MARK4: variants seen among roughly 807,000 people sequenced by gnomAD.
The protein encoded by MARK4 is MAP/microtubule affinity-regulating kinase 4.
In MARK4, 19 loss-of-function variants were observed where a neutral mutation model predicts 81.5. That is an observed-to-expected ratio of 0.23 (90% confidence interval 0.16 to 0.34). The LOEUF is 0.34. Among genes scored for constraint, MARK4 ranks in the 10% least tolerant of loss-of-function variants. The probability of loss-of-function intolerance (pLI) is 1.00; values close to 1 mark genes in which losing one functional copy is unlikely to be tolerated. For missense variants in MARK4, 772 were observed against 1,058.8 expected, an observed-to-expected ratio of 0.73 and a Z score of 3.76; for synonymous variants, 436 against 439.0, an observed-to-expected ratio of 0.99 and a Z score of 0.08.
In MARK4 at chr19:45,280,360, T is replaced by TC. The variant is rs765206485; in HGVS notation, c.1007-7dup. The TC allele has an allele frequency of 3.2e-4, 508 of 1,603,552 alleles. 1 individual carries two copies. Among genetic ancestry groups the TC allele is most frequent in the African/African-American group, 7.7e-4 (57 of 73,990 alleles). The stretch of plus-strand genomic sequence containing the variant: ...TCTGGGAGTCTGAAACTTCTCTCCA[T>TC]CCCCCCCTCCCAGAGGTGATGGTGG... On this transcript the variant is annotated splice_polypyrimidine_tract_variant and intron_variant, in intron 10 of 16. Coordinates refer to ENST00000262891, the MANE Select transcript of MARK4 (RefSeq NM_001199867.2).
intron 8 of MARK4, among the ~76,000 whole-genome samples, chr19:45,275,934 A>T (rs575184925): frequency 1.3e-5 from 2 of 152,304 alleles, no homozygotes; most frequent in South Asian, 4.1e-4. Flanking sequence ...CCCTTTTAGG[A>T]GAATGCTGCA....
chr19:45,253,175 TC>T (rs1970265622), intron 1 of MARK4, among the ~76,000 whole-genome samples: 1 of 143,842 alleles, frequency 7.0e-6, no homozygotes, highest in Non-Finnish European at 1.5e-5. Flanking sequence ...TTCCCTCACC[TC>T]CGACAGACCC....
chr19:45,257,232 A>T (rs897002662), intron 1 of MARK4, among the ~76,000 whole-genome samples: 1 of 151,838 alleles, frequency 6.6e-6, no homozygotes. Flanking sequence ...ATTTTGTTTT[A>T]TTGTGATTCA....
In MARK4 at chr19:45,280,385, G is replaced by T; in HGVS notation, c.1018G>T (p.Gly340Cys). The part of the protein sequence containing the change: ...GDTKRIEVMV[G>C]MGYTREEIKE... ...TCCCCCCCTCCCAGAGGTGATGGTG[G>T]GTATGGGCTACACACGGGAAGAAAT... The change falls in exon 11 of 17, where the codon GGT becomes TGT. Residue 340 changes from glycine to cysteine, a missense_variant. Physicochemically the swap from Gly to Cys is radical, Grantham distance 159 (BLOSUM62 -3). Coordinates refer to ENST00000262891, the MANE Select transcript of MARK4 (RefSeq NM_001199867.2). The T allele has an allele frequency of 6.2e-7, 1 of 1,614,108 alleles. No homozygotes were observed. Among genetic ancestry groups the T allele is most frequent in the Non-Finnish European group, 8.5e-7 (1 of 1,179,960 alleles).
chr19:45,288,740 C>T (rs1005348142), intron 13 of MARK4, among the ~76,000 whole-genome samples: 2 of 151,182 alleles, frequency 1.3e-5, no homozygotes, highest in African/African-American at 4.9e-5. Flanking sequence ...GTCCCAGCTA[C>T]TCTGGAGGGT....
chr19:45,272,239 G>A (rs1970538288), intron 8 of MARK4, among the ~76,000 whole-genome samples: 2 of 152,216 alleles, frequency 1.3e-5, no homozygotes, highest in Non-Finnish European at 2.9e-5. Context: ...GGCTGACGCG[G>A]GAGGATCACT....
chr19:45,270,794 G>A (rs754806238), intron 7 of MARK4, among the ~76,000 whole-genome samples: 2 of 151,822 alleles, frequency 1.3e-5, no homozygotes, highest in Non-Finnish European at 2.9e-5. Context: ...TTTTGAGACG[G>A]AGTTTCGCTC....
rs187619396 is a variant in MARK4 at position 45,283,066 on chromosome 19, G to A, written c.1276+2332G>A. ...GAGTTGTACATCTATCATGATGACC[G>A]ATTTCAGAACATTTTCATTACCCCA... On this transcript the variant is annotated intron_variant, in intron 12 of 16. Transcript: ENST00000262891. Among the ~76,000 whole-genome samples, 185 of 152,096 alleles carry A rather than the reference G, an allele frequency of 1.2e-3. 2 individuals are homozygous for A. The highest frequency in any genetic ancestry group is 0.012 in the Admixed American group (179 of 15,264).
intron 7 of MARK4, 38 bp downstream of exon 7, chr19:45,266,319 C>T (rs1415712146): frequency 1.2e-6 from 2 of 1,602,196 alleles, no homozygotes; most frequent in Non-Finnish European, 1.7e-6. Context: ...GGGACCACGG[C>T]TCAGCCCACA....
intron 4 of MARK4, among the ~76,000 whole-genome samples, 181 bp from the exon 5 acceptor site, chr19:45,264,503 C>A (rs974172282): frequency 2.1e-5 from 3 of 144,470 alleles, no homozygotes; most frequent in Non-Finnish European, 4.5e-5. Flanking sequence ...AAAAAAAAAA[C>A]GAAAGTGGAA....
At position 45,287,444 on chromosome 19, in the gene MARK4, C is replaced by T. The variant is rs765003609; in HGVS notation, c.1277-3C>T. 40 of 1,427,524 alleles carry T rather than the reference C, an allele frequency of 2.8e-5. No homozygotes were observed. Among genetic ancestry groups the T allele is most frequent in the Non-Finnish European group, 9.2e-7 (1 of 1,083,316 alleles). 88.4% of individuals were successfully genotyped at this position (1,427,524 alleles called of 1,614,324 possible). ...CAGCTCTAAACGGTACCCCCTCCCC[C>T]AGGTGGCCCATCCCCTGCACCCCTG... On this transcript the variant is annotated splice_region_variant and splice_polypyrimidine_tract_variant and intron_variant, in intron 12 of 16. Coordinates refer to ENST00000262891, the MANE Select transcript of MARK4 (RefSeq NM_001199867.2).
At chr19:45,296,735 G>A (rs956325194) in intron 14 of MARK4, among the ~76,000 whole-genome samples, 1 of 152,190 alleles carries the variant, frequency 6.6e-6, no homozygotes, top group South Asian at 2.1e-4. Context: ...GGCTGGGCCT[G>A]GAGTCCCTGG....
chr19:45,261,150 A>G (rs537031709), intron 2 of MARK4, among the ~76,000 whole-genome samples: 1 of 152,312 alleles, frequency 6.6e-6, no homozygotes, highest in Admixed American at 6.6e-5. Flanking sequence ...AAATCCTACC[A>G]GATGTTCACA....
At chr19:45,297,644 C>T in intron 14 of MARK4, 32 bp from the exon 15 acceptor site, 1 of 1,459,414 alleles carries the variant, frequency 6.9e-7, no homozygotes, top group South Asian at 1.4e-5. Context: ...TGCCTCAGTC[C>T]CCCACCCTGA....
intron 6 of MARK4, among the ~76,000 whole-genome samples, 176 bp from the exon 7 acceptor site, chr19:45,266,049 G>A (rs1415245533): frequency 6.6e-6 from 1 of 151,984 alleles, no homozygotes; most frequent in Non-Finnish European, 1.5e-5. Context: ...GGAGACGTGT[G>A]TCTGCCCAGG....
At chr19:45,265,410 C>T (rs563945677) in intron 6 of MARK4, among the ~76,000 whole-genome samples, 3 of 151,500 alleles carry the variant, frequency 2.0e-5, no homozygotes, top group African/African-American at 7.3e-5. Flanking sequence ...TAGGGCATGC[C>T]GGTATGTGGG....
Position 45,271,716 on chromosome 19 carries a change from G to A in MARK4, c.786+8G>A. 1 of 1,613,292 alleles carries A rather than the reference G, an allele frequency of 6.2e-7. No homozygotes were observed. Among genetic ancestry groups the A allele is most frequent in the African/African-American group, 1.3e-5 (1 of 75,038 alleles). On this transcript the variant is annotated splice_region_variant and intron_variant, in intron 8 of 16. Coordinates refer to ENST00000262891, the MANE Select transcript of MARK4 (RefSeq NM_001199867.2). This position sits in a 1 kb window ranked among gnomAD's most constrained non-coding sequence, Gnocchi z 4.1. Reference sequence around the variant, plus strand: ...GACGGGCACAACCTCAAGGTACCGAGAGGGGCTGGGTGCAGGGGCATCAGC... The same window carrying A: ...GACGGGCACAACCTCAAGGTACCGAAAGGGGCTGGGTGCAGGGGCATCAGC...
intron 1 of MARK4, among the ~76,000 whole-genome samples, chr19:45,256,091 T>C (rs1381446898): frequency 6.6e-6 from 1 of 152,128 alleles, no homozygotes; most frequent in Non-Finnish European, 1.5e-5. Context: ...CAACAGTGTT[T>C]CCCATGGAAG....
chr19:45,255,559 CAAAA>C (rs34066317), intron 1 of MARK4, among the ~76,000 whole-genome samples: 1 of 90,268 alleles, frequency 1.1e-5, no homozygotes, highest in African/African-American at 5.3e-5. Context: ...GAAACTCTGC[CAAAA>C]AAAAAAAAAA....
Sources: allele counts gnomAD v4.1 joint callset (sites outside exome capture counted in the v4.1 genomes callset), GRCh38; gene constraint gnomAD v4.1.1; non-coding constraint Gnocchi (gnomAD v3.1); transcripts MANE v1.5; gene names NCBI Gene and HGNC (gene_info 2026-07-23, HGNC 2026-07-21).